GAS2: variants seen among roughly 807,000 people sequenced by gnomAD.
The protein encoded by GAS2 is growth arrest specific 2.
GAS2 carries 20 observed loss-of-function variants against 37.5 expected under a neutral mutation model. That is an observed-to-expected ratio of 0.53 (90% CI 0.37 to 0.77). The LOEUF (loss-of-function observed/expected upper bound fraction) is 0.77. Ranked by LOEUF, GAS2 falls within the 30% of genes least tolerant of loss-of-function variation. The pLI, the probability that GAS2 is intolerant of heterozygous loss-of-function variation, is 0.00. For synonymous variants in GAS2, 144 were observed against 132.2 expected, an observed-to-expected ratio of 1.09 and a Z score of -0.61; for missense variants, 336 against 373.4, an observed-to-expected ratio of 0.90 and a Z score of 0.82.
chr11:22,753,890 A>T (rs4923021), intron 6 of GAS2, among the ~76,000 whole-genome samples: 3,314 of 152,178 alleles, frequency 0.022, 53 homozygotes, highest in Middle Eastern at 0.034. Context: ...TGGTCCTGTG[A>T]CCCTACCCTC....
chr11:22,741,553 T>C (rs182273682), intron 5 of GAS2, among the ~76,000 whole-genome samples: 1 of 152,272 alleles, frequency 6.6e-6, no homozygotes, highest in East Asian at 1.9e-4. Flanking sequence ...AGTATTTCTT[T>C]GATTTGGAGC....
At chr11:22,668,628 T>A (rs1849082670) in intron 1 of GAS2, among the ~76,000 whole-genome samples, 1 of 152,216 alleles carries the variant, frequency 6.6e-6, no homozygotes, top group Admixed American at 6.5e-5. Context: ...GAAACTTCAG[T>A]TAAACCTCAA....
At chr11:22,743,054 T>C (rs978083559) in intron 5 of GAS2, among the ~76,000 whole-genome samples, 1 of 152,166 alleles carries the variant, frequency 6.6e-6, no homozygotes, top group Non-Finnish European at 1.5e-5. Context: ...GGAACTAAGA[T>C]GGCAGAAAAG....
chr11:22,652,991 T>TTCTTTCTTTCTTTCTTTCTTTC (rs769554594), intron 1 of GAS2, among the ~76,000 whole-genome samples: 2 of 6,304 alleles, frequency 3.2e-4, no homozygotes, highest in South Asian at 7.2e-3. Flanking sequence ...CTTTCTTTCT[T>TTCTTTCTTTCTTTCTTTCTTTC]TGTCTTTCTT....
chr11:22,764,513 G>A (rs1854573230), intron 7 of GAS2, among the ~76,000 whole-genome samples: 1 of 135,116 alleles, frequency 7.4e-6, no homozygotes, highest in African/African-American at 2.8e-5. Flanking sequence ...TGAGTGGGGA[G>A]ATCTCGCCGC....
chr11:22,801,696 T>C (rs1474378810), intron 7 of GAS2, among the ~76,000 whole-genome samples: 1 of 152,142 alleles, frequency 6.6e-6, no homozygotes, highest in Admixed American at 6.6e-5. Context: ...ATGTGGTTTC[T>C]AGCCTGGCTC....
At chr11:22,771,483 C>T (rs1445063973) in intron 7 of GAS2, among the ~76,000 whole-genome samples, 1 of 152,098 alleles carries the variant, frequency 6.6e-6, no homozygotes, top group African/African-American at 2.4e-5. Context: ...TACCAAACTT[C>T]CAGATGTATC....
intron 7 of GAS2, among the ~76,000 whole-genome samples, chr11:22,773,044 A>G (rs1590114212): frequency 1.3e-5 from 2 of 152,132 alleles, no homozygotes; most frequent in East Asian, 1.9e-4. Context: ...GTTCCAGTAG[A>G]GTGCTAAGAG....
At chr11:22,744,399 A>G (rs1853258733) in intron 5 of GAS2, among the ~76,000 whole-genome samples, 1 of 152,170 alleles carries the variant, frequency 6.6e-6, no homozygotes, top group Non-Finnish European at 1.5e-5. Flanking sequence ...AAAATTCTTA[A>G]CAAAATACTA....
chr11:22,739,572 C>CAAAAAAAAAAAAAAAAAA (rs71037525), intron 5 of GAS2, among the ~76,000 whole-genome samples: 1 of 64,650 alleles, frequency 1.5e-5, no homozygotes, highest in Non-Finnish European at 3.0e-5. Flanking sequence ...GATTCGCTCT[C>CAAAAAAAAAAAAAAAAAA]AAAAAAAAAA....
At chr11:22,794,764 A>G (rs1178876104) in intron 7 of GAS2, among the ~76,000 whole-genome samples, 3 of 152,186 alleles carry the variant, frequency 2.0e-5, no homozygotes, top group Non-Finnish European at 4.4e-5. Flanking sequence ...AGAGAAGGGT[A>G]AAACCCTCAC....
At chr11:22,639,844 G>T (rs1013910050) in intron 1 of GAS2, among the ~76,000 whole-genome samples, 5 of 152,120 alleles carry the variant, frequency 3.3e-5, no homozygotes, top group Admixed American at 1.3e-4. Context: ...CAGCAGAAAG[G>T]GTTACAAGTG....
intron 5 of GAS2, among the ~76,000 whole-genome samples, chr11:22,739,296 C>G (rs1439647845): frequency 1.3e-5 from 2 of 151,870 alleles, no homozygotes; most frequent in African/African-American, 2.4e-5. Context: ...GGAAGTTGGC[C>G]GGGCGCTGTG....
At chr11:22,728,015 G>A (rs915752390) in intron 4 of GAS2, among the ~76,000 whole-genome samples, 12 of 151,934 alleles carry the variant, frequency 7.9e-5, no homozygotes, top group Non-Finnish European at 1.6e-4. Flanking sequence ...TTAACATCAC[G>A]ATTTAAAATT....
At chr11:22,696,077 T>C (rs1850495209) in intron 3 of GAS2, among the ~76,000 whole-genome samples, 1 of 150,448 alleles carries the variant, frequency 6.6e-6, no homozygotes, top group Admixed American at 6.6e-5. Flanking sequence ...TATCTCCTAA[T>C]GCTATCCCTC....
chr11:22,793,345 A>G (rs962857050), intron 7 of GAS2, among the ~76,000 whole-genome samples: 2 of 152,178 alleles, frequency 1.3e-5, no homozygotes, highest in African/African-American at 4.8e-5. Context: ...AGTTTTATGT[A>G]TAGATAATGA....
chr11:22,685,705 G>A lies in GAS2; in HGVS notation c.183G>A (p.Leu61=), dbSNP rs1162743992. 4 of 1,613,488 alleles carry A rather than the reference G, an allele frequency of 2.5e-6. No homozygotes were observed. Among genetic ancestry groups the A allele is most frequent in the African/African-American group, 2.7e-5 (2 of 74,888 alleles). The change falls in exon 3 of 8, where the codon TTG becomes TTA. Residue 61 remains leucine (L), a synonymous_variant. Transcript: ENST00000454584. ...CAGCAGAAACTTTTATGGAGAAGTTGGACAATGGTGCCTTGCTCTGTCAAC... is the reference window on the plus strand; with the variant it reads ...CAGCAGAAACTTTTATGGAGAAGTTAGACAATGGTGCCTTGCTCTGTCAAC... The part of the protein sequence containing the change: ...EITAETFMEK[L]DNGALLCQLA...
intron 5 of GAS2, among the ~76,000 whole-genome samples, chr11:22,738,499 T>C (rs995053185): frequency 2.0e-5 from 3 of 152,190 alleles, no homozygotes; most frequent in African/African-American, 7.2e-5. Flanking sequence ...GAAATGAAGA[T>C]ACAAATGTTT....
chr11:22,792,707 G>A (rs896870058), intron 7 of GAS2, among the ~76,000 whole-genome samples: 2 of 152,192 alleles, frequency 1.3e-5, no homozygotes, highest in African/African-American at 4.8e-5. Flanking sequence ...GTGGCCCCAT[G>A]GAACAATAGG....
Sources: gnomAD v4.1 joint callset for allele counts (sites outside exome capture counted in the v4.1 genomes callset) on GRCh38, gnomAD v4.1.1 for gene constraint, MANE v1.5 for transcripts, NCBI Gene and HGNC (gene_info 2026-07-23, HGNC 2026-07-21) for gene names.